Variants in SLC30A8 observed in about 807,000 individuals in gnomAD.
The protein encoded by SLC30A8 is solute carrier family 30 member 8.
A neutral mutation model predicts 36.9 loss-of-function variants in SLC30A8; 27 were observed. That is an observed-to-expected ratio of 0.73 (90% confidence interval 0.54 to 1.01). The LOEUF (loss-of-function observed/expected upper bound fraction) is 1.01, where lower values mean the gene tolerates loss of function less well. Ranked by LOEUF, SLC30A8 falls within the 50% of genes least tolerant of loss-of-function variation. The pLI is 0.00. For synonymous variants in SLC30A8, 164 were observed against 172.4 expected, an observed-to-expected ratio of 0.95 and a Z score of 0.38; for missense variants, 439 against 452.0, an observed-to-expected ratio of 0.97 and a Z score of 0.26.
chr8:117,097,195 C>T (rs997570920), intron 2 of SLC30A8, among the ~76,000 whole-genome samples: 1 of 150,724 alleles, frequency 6.6e-6, no homozygotes, highest in Non-Finnish European at 1.5e-5. Flanking sequence ...GTCAGGAGAT[C>T]GAGACCATCC....
chr8:117,153,847 A>T (rs1388563590), intron 3 of SLC30A8, among the ~76,000 whole-genome samples: 2 of 152,002 alleles, frequency 1.3e-5, no homozygotes, highest in African/African-American at 4.8e-5. Context: ...CCATTTATTA[A>T]ATGTGGTTCA....
chr8:117,021,540 T>C (rs1289010859), intron 1 of SLC30A8, among the ~76,000 whole-genome samples: 3 of 152,204 alleles, frequency 2.0e-5, no homozygotes, highest in Admixed American at 1.3e-4. Context: ...TAGAGGATCC[T>C]ATAATGTAAA....
intron 2 of SLC30A8, among the ~76,000 whole-genome samples, chr8:117,046,187 A>T (rs1027679479): frequency 6.6e-6 from 1 of 152,192 alleles, no homozygotes; most frequent in Non-Finnish European, 1.5e-5. Context: ...ATGTAAGTTT[A>T]AACCTAAGCC....
At chr8:117,045,338 A>C (rs6999899) in intron 2 of SLC30A8, among the ~76,000 whole-genome samples, 52,369 of 151,846 alleles carry the variant, frequency 0.34, 11,672 homozygotes, top group African/African-American at 0.64. Context: ...TCGTTCCCCC[A>C]CCGTACTTGA....
At chr8:117,124,622 G>A (rs1820824641) in intron 2 of SLC30A8, among the ~76,000 whole-genome samples, 1 of 149,532 alleles carries the variant, frequency 6.7e-6, no homozygotes, top group African/African-American at 2.5e-5. Context: ...ATCTCAAAAG[G>A]GCAGAGAAGT....
intron 2 of SLC30A8, among the ~76,000 whole-genome samples, chr8:117,099,712 C>T (rs1819625039): frequency 6.6e-6 from 1 of 152,184 alleles, no homozygotes; most frequent in African/African-American, 2.4e-5. Flanking sequence ...GATTCCTGCT[C>T]ACTAAACATC....
At position 117,113,798 on chromosome 8, in the gene SLC30A8, G is replaced by C. The variant is rs1820330612; in HGVS notation, c.-225-21482G>C. 3.9e-5 allele frequency among the ~76,000 whole-genome samples: 6 copies of C among 152,200 alleles called. No individual in the cohort carries two copies. In the South Asian group the frequency reaches 1.2e-3, roughly 32 times the overall value. On this transcript the variant is annotated intron_variant, in intron 2 of 10. Coordinates refer to the SLC30A8 transcript ENST00000427715. ...AAAAACTTTGGGGTATGGCATGCTTGGTTCCCGCCCTCAAGTGGTGTTTAA... is the reference window on the plus strand; with the variant it reads ...AAAAACTTTGGGGTATGGCATGCTTCGTTCCCGCCCTCAAGTGGTGTTTAA...
intron 1 of SLC30A8, among the ~76,000 whole-genome samples, chr8:117,034,864 A>G (rs1817163056): frequency 6.6e-6 from 1 of 152,162 alleles, no homozygotes; most frequent in Non-Finnish European, 1.5e-5. Context: ...CAGGTGAGAG[A>G]CAGAGAAAGA....
intron 1 of SLC30A8, among the ~76,000 whole-genome samples, chr8:117,019,673 A>T (rs553596025): frequency 6.6e-6 from 1 of 152,314 alleles, no homozygotes; most frequent in South Asian, 2.1e-4. Flanking sequence ...GGACTGGAAC[A>T]CGGAGGCTGT....
At chr8:117,118,548 T>C (rs1372823855) in intron 2 of SLC30A8, among the ~76,000 whole-genome samples, 1 of 151,970 alleles carries the variant, frequency 6.6e-6, no homozygotes, top group Non-Finnish European at 1.5e-5. Flanking sequence ...CATTTTTTTT[T>C]TAACCACGGA....
At chr8:117,045,464 G>A (rs893856377) in intron 2 of SLC30A8, among the ~76,000 whole-genome samples, 1 of 152,152 alleles carries the variant, frequency 6.6e-6, no homozygotes, top group Admixed American at 6.5e-5. Flanking sequence ...TGGAAACTGA[G>A]AAATGACAAA....
At chr8:117,020,101 G>T (rs1816653823) in intron 1 of SLC30A8, among the ~76,000 whole-genome samples, 1 of 152,216 alleles carries the variant, frequency 6.6e-6, no homozygotes, top group Admixed American at 6.5e-5. Context: ...AGAGGACTCT[G>T]TTGAAAGGGG....
At chr8:117,058,804 A>T (rs1817945545) in intron 2 of SLC30A8, among the ~76,000 whole-genome samples, 2 of 152,166 alleles carry the variant, frequency 1.3e-5, no homozygotes, top group Admixed American at 1.3e-4. Context: ...TTTTATTGGA[A>T]TCCACACACA....
chr8:117,059,062 A>ATTATTG (rs373152964), intron 2 of SLC30A8, among the ~76,000 whole-genome samples: 7 of 152,354 alleles, frequency 4.6e-5, no homozygotes, highest in African/African-American at 1.7e-4. Flanking sequence ...AAGTTGGGGA[A>ATTATTG]TTATTGTTAT....
At chr8:117,110,181 G>C (rs1240946631) in intron 2 of SLC30A8, among the ~76,000 whole-genome samples, 1 of 152,032 alleles carries the variant, frequency 6.6e-6, no homozygotes, top group Non-Finnish European at 1.5e-5. Flanking sequence ...TGTTTGGCGT[G>C]GGCCCCAGAG....
chr8:117,033,362 A>T (rs570011132), intron 1 of SLC30A8, among the ~76,000 whole-genome samples: 27 of 152,380 alleles, frequency 1.8e-4, no homozygotes, highest in African/African-American at 6.3e-4. Context: ...GATGAACCTC[A>T]GTATGCTGTG....
intron 1 of SLC30A8, among the ~76,000 whole-genome samples, chr8:116,961,569 G>T (rs10107183): frequency 0.015 from 2,226 of 152,042 alleles, 66 homozygotes; most frequent in African/African-American, 0.051. Flanking sequence ...GCAAGTTTAG[G>T]GTCTCATTCT....
At chr8:117,126,582 C>G (rs1820912745) in intron 2 of SLC30A8, among the ~76,000 whole-genome samples, 1 of 144,152 alleles carries the variant, frequency 6.9e-6, no homozygotes, top group African/African-American at 2.5e-5. Context: ...ATCCATCCAT[C>G]CATCCATTTA....
intron 2 of SLC30A8, among the ~76,000 whole-genome samples, chr8:117,078,977 T>C (rs916086074): frequency 2.6e-5 from 4 of 151,980 alleles, no homozygotes; most frequent in Non-Finnish European, 4.4e-5. Context: ...TGTGAGCCAA[T>C]GTGCCTGGCC....
Sources: allele counts gnomAD v4.1 joint callset (sites outside exome capture counted in the v4.1 genomes callset), GRCh38; gene constraint gnomAD v4.1.1; transcripts MANE v1.5; gene names NCBI Gene and HGNC (gene_info 2026-07-23, HGNC 2026-07-21).